The following DOP1A variants were observed in gnomAD, a reference collection of about 807,000 sequenced individuals.
The protein encoded by DOP1A is DOP1 leucine zipper like protein A, also known as protein DOP1A.
A neutral mutation model predicts 267.6 loss-of-function variants in DOP1A; 90 were observed. That is an observed-to-expected ratio of 0.34 (90% CI 0.28 to 0.40). DOP1A has a LOEUF of 0.40. Ranked by LOEUF, DOP1A falls within the 10% of genes least tolerant of loss-of-function variation. The pLI, the probability that DOP1A is intolerant of heterozygous loss-of-function variation, is 1.00. For synonymous variants in DOP1A, 932 were observed against 999.1 expected (o/e 0.93, Z 1.27); for missense variants, 2,437 against 2,900.4 (o/e 0.84, Z 3.67).
intron 3 of DOP1A, among the ~76,000 whole-genome samples, chr6:83,098,525 A>G (rs1415549377): frequency 1.3e-5 from 2 of 152,188 alleles, no homozygotes; most frequent in Non-Finnish European, 2.9e-5. Flanking sequence ...CTTCTGATCA[A>G]CTGGCTATAA....
intron 38 of DOP1A, chr6:83,166,046 C>A: frequency 7.2e-6 from 2 of 278,948 alleles, no homozygotes; most frequent in South Asian, 1.3e-4. Flanking sequence ...CGCCAGTTGT[C>A]GTATAAAATC....
intron 14 of DOP1A, 73 bp from the exon 15 acceptor site, chr6:83,125,427 T>G: frequency 7.3e-7 from 1 of 1,371,192 alleles, no homozygotes; most frequent in East Asian, 2.4e-5. Context: ...CATTGCCTAT[T>G]TATATAGATT....
intron 1 of DOP1A, among the ~76,000 whole-genome samples, chr6:83,092,603 CT>C (rs1326066975): frequency 2.3e-4 from 30 of 131,042 alleles, no homozygotes; most frequent in African/African-American, 6.6e-4. Flanking sequence ...TAAGACCCCC[CT>C]AATGGATGCC....
At chr6:83,139,566 G>A (rs919356490) in intron 21 of DOP1A, among the ~76,000 whole-genome samples, 6 of 152,014 alleles carry the variant, frequency 3.9e-5, no homozygotes, top group African/African-American at 1.4e-4. Flanking sequence ...TCTTGTTTTG[G>A]ATTTTCATGG....
intron 8 of DOP1A, 46 bp downstream of exon 8, chr6:83,119,033 G>A: frequency 6.5e-7 from 1 of 1,547,830 alleles, no homozygotes; most frequent in South Asian, 1.1e-5. Context: ...AAAATGGAGG[G>A]AGATTTGTCA....
chr6:83,152,344 C>T lies in DOP1A; in HGVS notation c.6106C>T (p.His2036Tyr). The change falls in exon 30 of 39, where the codon CAT becomes TAT. Residue 2036 changes from histidine to tyrosine, a missense_variant. By Grantham distance (83) the His-to-Tyr change is moderately conservative. Around this residue, in one of 9 missense-constraint regions of DOP1A, gnomAD observed 216 missense variants for 283.3 expected, o/e 0.76. Transcript: ENST00000349129. ...CATAACTCCTTCTGTATATAGTGTCCATGCATTGACATTACTCTCTGAGGT... is the reference window on the plus strand; with the variant it reads ...CATAACTCCTTCTGTATATAGTGTCTATGCATTGACATTACTCTCTGAGGT... ...ANITPSVYSV[H>Y]ALTLLSEVLA... 1.3e-6 allele frequency: 2 copies of T among 1,541,904 alleles called. No individual in the cohort carries two copies. The highest frequency in any genetic ancestry group is 1.8e-6 in the Non-Finnish European group (2 of 1,142,846).
At chr6:83,135,590 T>C (rs1562342471) in intron 19 of DOP1A, 29 bp from the exon 20 acceptor site, 2 of 1,590,474 alleles carry the variant, frequency 1.3e-6, no homozygotes, top group Admixed American at 1.7e-5. Flanking sequence ...TGTTTGGTTC[T>C]TTATTTTAAT....
In DOP1A at chr6:83,108,899, T is replaced by C. The variant is rs1157953934; in HGVS notation, c.321-11T>C. 1.2e-6 allele frequency: 2 copies of C among 1,604,172 alleles called. No homozygotes were observed. The highest frequency in any genetic ancestry group is 2.2e-5 in the South Asian group (2 of 89,702). On this transcript the variant is annotated splice_polypyrimidine_tract_variant and intron_variant, in intron 4 of 38. Coordinates refer to ENST00000349129, the MANE Select transcript of DOP1A (RefSeq NM_015018.4). ...TTGCTTCCTTCTCCTTTGTCTTTATTTTTTTAATAGTTCTGGATTATTTCC... is the reference window on the plus strand; with the variant it reads ...TTGCTTCCTTCTCCTTTGTCTTTATCTTTTTAATAGTTCTGGATTATTTCC...
chr6:83,148,692 A>G lies in DOP1A; in HGVS notation c.5733-67A>G, dbSNP rs143921124. ...ATCATTGTCTATAAAAATTTAGAGA[A>G]TGTTCCACAAACTAGTAGAAAACCA... On this transcript the variant is annotated intron_variant, in intron 26 of 38. Coordinates refer to ENST00000349129, the MANE Select transcript of DOP1A (RefSeq NM_015018.4). 31 of 1,073,608 alleles carry G rather than the reference A, an allele frequency of 2.9e-5. No individual in the cohort carries two copies. The African/African-American group carries it at 4.2e-4, about 15-fold the overall frequency. The allele number at this position is 1,073,608 out of a possible 1,614,324, so 66.5% of individuals were successfully genotyped here.
chr6:83,115,671 C>G (rs1775306312), intron 7 of DOP1A, among the ~76,000 whole-genome samples: 1 of 152,076 alleles, frequency 6.6e-6, no homozygotes, highest in Admixed American at 6.6e-5. Flanking sequence ...TTGCAGTGAG[C>G]AAGTGATCGT....
At chr6:83,103,234 G>C (rs1041258734) in intron 4 of DOP1A, among the ~76,000 whole-genome samples, 19 of 152,164 alleles carry the variant, frequency 1.2e-4, no homozygotes, top group Admixed American at 6.5e-4. Flanking sequence ...AGTAACTCAG[G>C]AATGGAAAAA....
Position 83,137,916 on chromosome 6 carries a change from A to ACT in DOP1A, c.3874_3875insCT (p.Lys1292ThrfsTer10). The ACT allele has an allele frequency of 6.2e-7, 1 of 1,610,400 alleles. No homozygotes were observed. Among genetic ancestry groups the ACT allele is most frequent in the Non-Finnish European group, 8.5e-7 (1 of 1,178,924 alleles). On this transcript the variant is annotated frameshift_variant, in exon 21 of 39. Transcript: ENST00000349129. LOFTEE classifies it high-confidence loss of function. Reference sequence around the variant, plus strand: ...GGAAACAATAGTTAAGGAGTCAGGTAAACAACCAGGAGCAAAACCTAAAGT... The same window carrying ACT: ...GGAAACAATAGTTAAGGAGTCAGGTACTAACAACCAGGAGCAAAACCTAAAGT...
intron 1 of DOP1A, among the ~76,000 whole-genome samples, chr6:83,091,202 C>G (rs1385702610): frequency 6.6e-6 from 1 of 152,054 alleles, no homozygotes; most frequent in African/African-American, 2.4e-5. Context: ...AAGACCTGCC[C>G]CCATGATCCA....
chr6:83,100,195 A>G (rs1001116633), intron 3 of DOP1A, among the ~76,000 whole-genome samples: 1 of 152,202 alleles, frequency 6.6e-6, no homozygotes, highest in Non-Finnish European at 1.5e-5. Flanking sequence ...CAAATGGGCA[A>G]TGATAATCTC....
At chr6:83,119,724 A>C in intron 8 of DOP1A, 24 bp from the exon 9 acceptor site, 1 of 1,591,868 alleles carries the variant, frequency 6.3e-7, no homozygotes. Context: ...ATTTTAAGTA[A>C]TTTTGTGATT....
At chr6:83,131,120 G>T (rs118129681) in intron 17 of DOP1A, among the ~76,000 whole-genome samples, 1 of 151,960 alleles carries the variant, frequency 6.6e-6, no homozygotes, top group Admixed American at 6.6e-5. Flanking sequence ...CATCTGTGGC[G>T]TATAAAGTCA....
At chr6:83,147,111 T>C in intron 25 of DOP1A, 125 bp from the exon 26 acceptor site, 2 of 420,750 alleles carry the variant, frequency 4.8e-6, no homozygotes, top group East Asian at 7.1e-5. Flanking sequence ...TAATGAAAAA[T>C]TGATGATTTT....
chr6:83,138,875 A>T lies in DOP1A; in HGVS notation c.4833A>T (p.Val1611=), dbSNP rs758781512. 6.2e-7 allele frequency: 1 copy of T among 1,614,062 alleles called. No individual in the cohort carries two copies. Among genetic ancestry groups the T allele is most frequent in the Non-Finnish European group, 8.5e-7 (1 of 1,179,942 alleles). Residue 1611 remains valine (V), a synonymous_variant, in exon 21 of 39, where the codon GTA becomes GTT. Coordinates refer to ENST00000349129, the MANE Select transcript of DOP1A (RefSeq NM_015018.4). ...ATGAAACAGGTTTTGATTTTGTTGT[A>T]TCTGACTTAGAACACATCAGTCCCC... The part of the protein sequence containing the change: ...EENETGFDFV[V]SDLEHISPHQ...
intron 37 of DOP1A, among the ~76,000 whole-genome samples, chr6:83,161,892 G>A (rs1275625828): frequency 6.6e-6 from 1 of 152,138 alleles, no homozygotes; most frequent in African/African-American, 2.4e-5. Context: ...AGTATCCACT[G>A]TGGTACTTTG....
Sources: allele counts gnomAD v4.1 joint callset (sites outside exome capture counted in the v4.1 genomes callset), GRCh38; gene constraint gnomAD v4.1.1; regional missense constraint gnomAD v4.1.1; transcripts MANE v1.5; gene names NCBI Gene and HGNC (gene_info 2026-07-23, HGNC 2026-07-21).